PRKG1: variants seen among roughly 807,000 people sequenced by gnomAD.
PRKG1 encodes the protein cGMP-dependent protein kinase 1.
PRKG1 carries 35 observed loss-of-function variants against 88.1 expected under a neutral mutation model. That is an observed-to-expected ratio of 0.40 (90% CI 0.30 to 0.53). PRKG1 has a LOEUF of 0.53. PRKG1 is among the 20% of genes least tolerant of loss of function. PRKG1 has a pLI of 0.59. For missense variants in PRKG1, 540 were observed against 839.8 expected, an observed-to-expected ratio of 0.64 and a Z score of 4.41; for synonymous variants, 303 against 292.5, an observed-to-expected ratio of 1.04 and a Z score of -0.37.
At chr10:51,773,188 T>A (rs778634883) in intron 3 of PRKG1, among the ~76,000 whole-genome samples, 11 of 152,122 alleles carry the variant, frequency 7.2e-5, no homozygotes, top group Non-Finnish European at 1.3e-4. Context: ...TGTTTAACCT[T>A]GATTTATGCT....
At chr10:51,534,836 A>G (rs1842107149) in intron 3 of PRKG1, among the ~76,000 whole-genome samples, 2 of 152,154 alleles carry the variant, frequency 1.3e-5, no homozygotes, top group South Asian at 2.1e-4. Flanking sequence ...GGTGAAATAT[A>G]TTACAGGTTT....
Position 51,083,719 on chromosome 10 carries a change from G to T in PRKG1, c.311+8818G>T, listed in dbSNP as rs1232237225. On this transcript the variant is annotated intron_variant, in intron 1 of 17. Transcript: ENST00000373980. ...GTCGGAGACGACACCTGCAATAAAA[G>T]ATCTTGGTGTGTCCCTCATGAAGAC... Among the ~76,000 whole-genome samples, 4 of 152,284 alleles carry T rather than the reference G, an allele frequency of 2.6e-5. No homozygotes were observed. The East Asian group carries it at 7.7e-4, about 29-fold the overall frequency.
At chr10:51,030,746 C>T (rs542432582) in intron 1 of PRKG1, among the ~76,000 whole-genome samples, 1 of 151,996 alleles carries the variant, frequency 6.6e-6, no homozygotes, top group Non-Finnish European at 1.5e-5. Context: ...GCCTGAAAAA[C>T]CCCCCTCTCT....
rs1839952893 is a variant in PRKG1 at position 51,467,971 on chromosome 10, G to C, written c.592+135G>C. Reference sequence around the variant, plus strand: ...ATTTTAATTTTTGCCCTGCAATATAGCTGATGTATTTGTTTTCCTACTAAA... The same window carrying C: ...ATTTTAATTTTTGCCCTGCAATATACCTGATGTATTTGTTTTCCTACTAAA... On this transcript the variant is annotated intron_variant, in intron 3 of 17. Transcript: ENST00000373980. 5 of 735,426 alleles carry C rather than the reference G, an allele frequency of 6.8e-6. No homozygotes were observed. The East Asian group carries it at 1.4e-4, about 20-fold the overall frequency. 45.6% of individuals were successfully genotyped at this position (735,426 alleles called of 1,614,324 possible). A position where few individuals can be genotyped will look rare whatever the true frequency, so the allele number is the denominator to read the frequency against.
At chr10:51,454,585 C>T (rs951030526) in intron 2 of PRKG1, among the ~76,000 whole-genome samples, 4 of 152,156 alleles carry the variant, frequency 2.6e-5, no homozygotes, top group African/African-American at 9.7e-5. Context: ...TTAATTGACT[C>T]ACAGTTCCAC....
chr10:51,947,520 T>G, intron 5 of PRKG1, among the ~76,000 whole-genome samples: 1 of 152,020 alleles, frequency 6.6e-6, no homozygotes, highest in Non-Finnish European at 1.5e-5. Flanking sequence ...ACCCGGTACC[T>G]CAGATGGAAA....
At chr10:51,072,244 G>A (rs574208527), upstream of PRKG1, among the ~76,000 whole-genome samples, 1 of 152,044 alleles carries the variant, frequency 6.6e-6, no homozygotes, top group East Asian at 1.9e-4. Context: ...GAAAATCCTG[G>A]AATTCTGAAC....
chr10:51,133,340 C>T (rs546347556), intron 1 of PRKG1, among the ~76,000 whole-genome samples: 12 of 152,294 alleles, frequency 7.9e-5, no homozygotes, highest in Admixed American at 7.8e-4. Context: ...CTCTCCTTTG[C>T]CTGATCCACT....
intron 4 of PRKG1, among the ~76,000 whole-genome samples, chr10:51,886,159 G>A (rs1046580257): frequency 6.6e-6 from 1 of 152,152 alleles, no homozygotes; most frequent in Non-Finnish European, 1.5e-5. Context: ...CAGAATAGCT[G>A]GGATTAAAGG....
chr10:51,323,645 G>A (rs565634394), intron 2 of PRKG1, among the ~76,000 whole-genome samples: 1 of 152,298 alleles, frequency 6.6e-6, no homozygotes, highest in South Asian at 2.1e-4. Context: ...CACAATACCT[G>A]GAGAAGGATG....
At chr10:51,264,149 G>A (rs1839783371) in intron 2 of PRKG1, among the ~76,000 whole-genome samples, 2 of 151,920 alleles carry the variant, frequency 1.3e-5, no homozygotes, top group South Asian at 4.2e-4. Context: ...TCTTTTCTTT[G>A]CCCACCTGTA....
chr10:51,687,783 A>G (rs559283056), intron 3 of PRKG1, among the ~76,000 whole-genome samples: 73 of 152,194 alleles, frequency 4.8e-4, no homozygotes, highest in Non-Finnish European at 6.5e-4. Context: ...TACCAATTCA[A>G]TACAACTTCT....
intron 3 of PRKG1, among the ~76,000 whole-genome samples, chr10:51,759,111 G>A (rs974423478): frequency 1.3e-5 from 2 of 152,082 alleles, no homozygotes; most frequent in African/African-American, 4.8e-5. Context: ...GAGCATTTGG[G>A]TTGGTTCCAA....
chr10:52,261,496 G>T (rs376445169), intron 10 of PRKG1, among the ~76,000 whole-genome samples: 14 of 150,998 alleles, frequency 9.3e-5, no homozygotes, highest in Admixed American at 7.9e-4. Flanking sequence ...GTGTGTAGGT[G>T]TTGGGGGGGC....
At chr10:51,983,289 T>A in intron 5 of PRKG1, among the ~76,000 whole-genome samples, 1 of 152,082 alleles carries the variant, frequency 6.6e-6, no homozygotes, top group Non-Finnish European at 1.5e-5. Flanking sequence ...AGGCCCCTAA[T>A]CCCTACCTGC....
chr10:51,478,758 G>A (rs1437503295), intron 3 of PRKG1, among the ~76,000 whole-genome samples: 1 of 145,454 alleles, frequency 6.9e-6, no homozygotes, highest in South Asian at 2.2e-4. Flanking sequence ...AAAAAAAATG[G>A]GATTTTTACC....
At chr10:51,297,637 A>T (rs913472752) in intron 2 of PRKG1, among the ~76,000 whole-genome samples, 2 of 152,126 alleles carry the variant, frequency 1.3e-5, no homozygotes, top group Non-Finnish European at 1.5e-5. Context: ...ATTTCTATGT[A>T]TGAGCAACAG....
chr10:51,640,251 A>G (rs1279100677), intron 3 of PRKG1, among the ~76,000 whole-genome samples: 2 of 152,184 alleles, frequency 1.3e-5, no homozygotes, highest in Non-Finnish European at 2.9e-5. Flanking sequence ...CATTACATGT[A>G]TTCAGGAGTA....
intron 7 of PRKG1, among the ~76,000 whole-genome samples, chr10:52,132,151 C>A (rs1043448472): frequency 2.0e-5 from 3 of 151,924 alleles, no homozygotes; most frequent in Non-Finnish European, 2.9e-5. Flanking sequence ...TATATCTGAA[C>A]AAGTAGAAAG....
Sources: gnomAD v4.1 joint callset for allele counts (sites outside exome capture counted in the v4.1 genomes callset) on GRCh38, gnomAD v4.1.1 for gene constraint, MANE v1.5 for transcripts, NCBI Gene and HGNC (gene_info 2026-07-23, HGNC 2026-07-21) for gene names.